The following B3GLCT variants were observed in gnomAD, a reference collection of about 807,000 sequenced individuals.
The protein encoded by B3GLCT is beta-1,3-glucosyltransferase.
Under a neutral mutation model 63.4 loss-of-function variants are expected in B3GLCT, and 65 were observed. That is an observed-to-expected ratio of 1.03 (90% confidence interval 0.84 to 1.26). The LOEUF (loss-of-function observed/expected upper bound fraction) is 1.26, where lower values mean the gene tolerates loss of function less well. B3GLCT is among the 50% of genes most tolerant of loss of function. The probability of loss-of-function intolerance (pLI) is 0.00; values close to 1 mark genes in which losing one functional copy is unlikely to be tolerated. For synonymous variants in B3GLCT, 233 were observed against 219.2 expected (o/e 1.06, Z -0.55); for missense variants, 577 against 604.8 (o/e 0.95, Z 0.48).
rs144607668 is a variant in B3GLCT at position 31,323,772 on chromosome 13, C to T, written c.1206C>T (p.Ala402=). ...GGGGMVFSRE[A]VRRLLASKCR... ...CTAGAATGGTCTTCAGCAGAGAAGC[C>T]GTCAGGAGACTTCTCGCCAGTAAAT... Residue 402 remains alanine (A), a synonymous_variant, in exon 14 of 15, where the codon GCC becomes GCT. Transcript: ENST00000343307. 26 of 1,613,994 alleles carry T rather than the reference C, an allele frequency of 1.6e-5. No individual in the cohort carries two copies. The highest frequency in any genetic ancestry group is 8.9e-5 in the East Asian group (4 of 44,894).
At chr13:31,200,681 C>T (rs565579145) in intron 1 of B3GLCT, among the ~76,000 whole-genome samples, 67 of 152,054 alleles carry the variant, frequency 4.4e-4, no homozygotes, top group Non-Finnish European at 8.8e-4. Flanking sequence ...CCCCCGGGGG[C>T]GAGGACTGCG....
At chr13:31,246,922 T>TTTTTTTC (rs1254561868) in intron 4 of B3GLCT, 101 bp from the exon 5 acceptor site, 1 of 954,872 alleles carries the variant, frequency 1.0e-6, no homozygotes, top group Non-Finnish European at 1.6e-6. Context: ...AAGCCTTTTC[T>TTTTTTTC]TTTTTTCTTT....
At chr13:31,319,699 A>G (rs1412713409) in intron 13 of B3GLCT, among the ~76,000 whole-genome samples, 4 of 152,076 alleles carry the variant, frequency 2.6e-5, no homozygotes, top group Non-Finnish European at 5.9e-5. Flanking sequence ...TTGATGCTGA[A>G]TGTACCCAGA....
chr13:31,257,644 T>G (rs1004780590), intron 6 of B3GLCT, among the ~76,000 whole-genome samples: 1 of 152,014 alleles, frequency 6.6e-6, no homozygotes, highest in African/African-American at 2.4e-5. Flanking sequence ...AATAAGGCTC[T>G]TAAGAAATAC....
At chr13:31,298,804 G>A (rs1874083744) in intron 12 of B3GLCT, among the ~76,000 whole-genome samples, 1 of 152,204 alleles carries the variant, frequency 6.6e-6, no homozygotes, top group African/African-American at 2.4e-5. Flanking sequence ...TTACCACCAG[G>A]CAATATAGCT....
intron 7 of B3GLCT, among the ~76,000 whole-genome samples, chr13:31,269,008 A>G (rs1196802787): frequency 1.3e-5 from 2 of 152,170 alleles, no homozygotes; most frequent in Non-Finnish European, 2.9e-5. Context: ...AATGAATGCT[A>G]CTTTTGCAAC....
At chr13:31,279,867 G>A (rs1566078489) in intron 10 of B3GLCT, among the ~76,000 whole-genome samples, 2 of 152,130 alleles carry the variant, frequency 1.3e-5, no homozygotes, top group Admixed American at 6.5e-5. Flanking sequence ...CCGTCCCTTG[G>A]GAACGCATTC....
chr13:31,235,044 A>G (rs1593262831), intron 4 of B3GLCT, among the ~76,000 whole-genome samples: 1 of 152,058 alleles, frequency 6.6e-6, no homozygotes, highest in Non-Finnish European at 1.5e-5. Flanking sequence ...CCACCACAGC[A>G]GTTTGAGAAG....
intron 12 of B3GLCT, among the ~76,000 whole-genome samples, chr13:31,298,959 T>A (rs541146239): frequency 6.6e-6 from 1 of 152,350 alleles, no homozygotes; most frequent in Admixed American, 6.5e-5. Flanking sequence ...CACTGGCAGT[T>A]GCAGGCCTGG....
chr13:31,259,303 A>C (rs1293078163), intron 6 of B3GLCT, among the ~76,000 whole-genome samples: 2 of 152,088 alleles, frequency 1.3e-5, no homozygotes, highest in African/African-American at 4.8e-5. Context: ...GTTTGGCTAA[A>C]TCTCAGATGT....
chr13:31,229,815 T>A (rs546061597), intron 4 of B3GLCT, among the ~76,000 whole-genome samples: 2 of 129,092 alleles, frequency 1.5e-5, no homozygotes, highest in Non-Finnish European at 3.4e-5. Context: ...TTCTGAATTT[T>A]TTTTTGTGTG....
At chr13:31,212,014 G>A (rs1869285100) in intron 1 of B3GLCT, among the ~76,000 whole-genome samples, 1 of 152,026 alleles carries the variant, frequency 6.6e-6, no homozygotes. Context: ...CATTAAGAAA[G>A]TTATCTTATT....
At chr13:31,233,817 G>A (rs1046214282) in intron 4 of B3GLCT, among the ~76,000 whole-genome samples, 1 of 152,062 alleles carries the variant, frequency 6.6e-6, no homozygotes, top group Non-Finnish European at 1.5e-5. Flanking sequence ...CCAAAGTCAG[G>A]ATTTTGTTTT....
At chr13:31,248,325 A>G (rs544524729) in intron 6 of B3GLCT, among the ~76,000 whole-genome samples, 15 of 152,270 alleles carry the variant, frequency 9.9e-5, no homozygotes. Flanking sequence ...TTAGATAGAA[A>G]ATTTTTTTTG....
At chr13:31,230,994 A>G (rs931384688) in intron 4 of B3GLCT, among the ~76,000 whole-genome samples, 1 of 152,166 alleles carries the variant, frequency 6.6e-6, no homozygotes, top group Non-Finnish European at 1.5e-5. Flanking sequence ...GTGACAGAGC[A>G]AGATTCTGTC....
rs1185430999 is a variant in B3GLCT at position 31,252,622 on chromosome 13, G to A, written c.459+4656G>A. Reference sequence around the variant, plus strand: ...AAGAAAGATCAAAAGAGACAAAGAAGGGCATTGCATAATGGTAAAGGGATC... The same window carrying A: ...AAGAAAGATCAAAAGAGACAAAGAAAGGCATTGCATAATGGTAAAGGGATC... On this transcript the variant is annotated intron_variant, in intron 6 of 14. Transcript: ENST00000343307. 2.6e-5 allele frequency among the ~76,000 whole-genome samples: 4 copies of A among 152,188 alleles called. No individual in the cohort carries two copies. The East Asian group carries it at 7.7e-4, about 29-fold the overall frequency.
chr13:31,298,451 C>T (rs983752146), intron 12 of B3GLCT, among the ~76,000 whole-genome samples: 1 of 152,124 alleles, frequency 6.6e-6, no homozygotes, highest in Non-Finnish European at 1.5e-5. Context: ...GGTTCCAAAG[C>T]TGGAGCGGTC....
chr13:31,252,886 C>T (rs1262227238), intron 6 of B3GLCT, among the ~76,000 whole-genome samples: 1 of 152,204 alleles, frequency 6.6e-6, no homozygotes, highest in Non-Finnish European at 1.5e-5. Context: ...CAGAACTCGC[C>T]ACCCCAAATC....
At chr13:31,325,780 G>A (rs1875574692) in intron 14 of B3GLCT, among the ~76,000 whole-genome samples, 1 of 152,156 alleles carries the variant, frequency 6.6e-6, no homozygotes, top group Non-Finnish European at 1.5e-5. Flanking sequence ...AACTGTGTTT[G>A]TTCATCTTCA....
Sources: allele counts gnomAD v4.1 joint callset (sites outside exome capture counted in the v4.1 genomes callset), GRCh38; gene constraint gnomAD v4.1.1; transcripts MANE v1.5; gene names NCBI Gene and HGNC (gene_info 2026-07-23, HGNC 2026-07-21).